The following FOXN3 variants were observed in gnomAD, a reference collection of about 807,000 sequenced individuals.
FOXN3 encodes the protein forkhead box protein N3.
In FOXN3, 7 loss-of-function variants were observed where a neutral mutation model predicts 38.4. The ratio of observed to expected loss-of-function variants is 0.18; its 90% CI spans 0.10 to 0.34. FOXN3 has a LOEUF of 0.34. Ranked by LOEUF, FOXN3 falls within the 10% of genes least tolerant of loss-of-function variation. The pLI is 1.00. For synonymous variants in FOXN3, 230 were observed against 242.2 expected, an observed-to-expected ratio of 0.95 and a Z score of 0.47; for missense variants, 456 against 613.4, an observed-to-expected ratio of 0.74 and a Z score of 2.71.
At chr14:89,488,711 T>C (rs892401488) in intron 1 of FOXN3, among the ~76,000 whole-genome samples, 1 of 151,644 alleles carries the variant, frequency 6.6e-6, no homozygotes, top group African/African-American at 2.4e-5. Context: ...ACTGCTTCAA[T>C]GATTAATAGC....
chr14:89,192,900 C>G (rs11844999), intron 4 of FOXN3, among the ~76,000 whole-genome samples: 2 of 151,336 alleles, frequency 1.3e-5, no homozygotes, highest in African/African-American at 2.4e-5. Flanking sequence ...CCCACTGCCC[C>G]GGGTCCCTTG....
intron 4 of FOXN3, among the ~76,000 whole-genome samples, chr14:89,256,196 G>A (rs778423913): frequency 3.9e-5 from 6 of 152,098 alleles, no homozygotes; most frequent in Non-Finnish European, 7.4e-5. Flanking sequence ...GGGGAAAATC[G>A]AGTTTTTCAA....
intron 4 of FOXN3, among the ~76,000 whole-genome samples, chr14:89,234,485 C>G (rs1462963185): frequency 6.6e-6 from 1 of 152,080 alleles, no homozygotes; most frequent in Admixed American, 6.6e-5. Context: ...GAGGCGGGGC[C>G]TGGTGGGAGG....
chr14:89,474,245 T>C (rs1403255523), intron 1 of FOXN3, among the ~76,000 whole-genome samples: 2 of 152,100 alleles, frequency 1.3e-5, no homozygotes, highest in Non-Finnish European at 1.5e-5. Context: ...AATAACCAGA[T>C]CAGAGTGAGT....
At chr14:89,518,614 A>T (rs1439710401) in intron 1 of FOXN3, among the ~76,000 whole-genome samples, 2 of 152,254 alleles carry the variant, frequency 1.3e-5, no homozygotes, top group Non-Finnish European at 2.9e-5. Flanking sequence ...AAACCATGTA[A>T]GCTCAACATT....
chr14:89,502,019 T>A (rs1209901402), intron 1 of FOXN3, among the ~76,000 whole-genome samples: 1 of 151,350 alleles, frequency 6.6e-6, no homozygotes, highest in Non-Finnish European at 1.5e-5. Flanking sequence ...TTAAAAAAAA[T>A]TAGCCAGACA....
At chr14:89,295,519 G>C (rs555048589) in intron 3 of FOXN3, among the ~76,000 whole-genome samples, 12 of 152,092 alleles carry the variant, frequency 7.9e-5, no homozygotes, top group Non-Finnish European at 1.5e-4. Context: ...AAGTGATTCT[G>C]AAAAACAGCG....
chr14:89,530,017 T>G (rs1348593811), intron 1 of FOXN3, among the ~76,000 whole-genome samples: 2 of 151,900 alleles, frequency 1.3e-5, no homozygotes, highest in Non-Finnish European at 1.5e-5. Context: ...CTTGGCTCAC[T>G]GCAACCTCTG....
intron 3 of FOXN3, among the ~76,000 whole-genome samples, chr14:89,336,454 G>A (rs1566960059): frequency 6.6e-6 from 1 of 152,128 alleles, no homozygotes; most frequent in Non-Finnish European, 1.5e-5. Context: ...CCTTTCCAAA[G>A]CTCATCGAAG....
Position 89,401,452 on chromosome 14 carries a change from A to G in FOXN3, c.543+10482T>C, listed in dbSNP as rs142710127. 1.7e-3 allele frequency: 671 copies of G among 387,472 alleles called. 3 individuals carry two copies. Among genetic ancestry groups the G allele is most frequent in the African/African-American group, 0.013 (600 of 47,868 alleles). The allele number at this position is 387,472 out of a possible 1,614,324, so 24.0% of individuals were successfully genotyped here. A position where few individuals can be genotyped will look rare whatever the true frequency, so the allele number is the denominator to read the frequency against. ...AACAGCAACAACAACAACAGTAGGT[A>G]TTCTGCAAGACCTCAGAACCATAGC... On this transcript the variant is annotated intron_variant, in intron 2 of 5. Coordinates refer to ENST00000557258, the MANE Select transcript of FOXN3 (RefSeq NM_005197.4).
rs531804368 is a variant in FOXN3, at chr14:89,180,248, G to A, written c.851+453C>T. ...ATTTATAGACCACGTACCAAAGCTC[G>A]CCTCACATCTGATTTTGCATTTGAT... is the stretch of plus-strand genomic sequence containing the variant. On this transcript the variant is annotated intron_variant, in intron 5 of 5. Coordinates refer to ENST00000557258, the MANE Select transcript of FOXN3 (RefSeq NM_005197.4). Among the ~76,000 whole-genome samples, 11 of 152,290 alleles carry A rather than the reference G, an allele frequency of 7.2e-5. No homozygotes were observed. In the South Asian group the frequency reaches 1.0e-3, roughly 14 times the overall value.
chr14:89,401,609 C>T (rs145436391), intron 2 of FOXN3: 129 of 455,976 alleles, frequency 2.8e-4, no homozygotes, highest in African/African-American at 2.5e-3. Context: ...CTTGGAGATT[C>T]GGGACTTTTC....
intron 2 of FOXN3, among the ~76,000 whole-genome samples, chr14:89,362,782 A>T (rs574499551): frequency 1.9e-4 from 19 of 97,710 alleles, no homozygotes; most frequent in East Asian, 2.8e-4. Flanking sequence ...CACCACCACC[A>T]CCACCACCAT....
At chr14:89,577,054 A>T (rs889200920) in intron 1 of FOXN3, 2 of 152,236 alleles carry the variant, frequency 1.3e-5, no homozygotes, top group Non-Finnish European at 2.9e-5. Context: ...GGCTGGGAGT[A>T]AAATTTCCCA....
intron 5 of FOXN3, among the ~76,000 whole-genome samples, chr14:89,179,504 C>A (rs564445802): frequency 1.1e-3 from 161 of 152,262 alleles, no homozygotes; most frequent in African/African-American, 3.7e-3. Context: ...GGGATGGTAC[C>A]TTCAAGGGAT....
intron 1 of FOXN3, among the ~76,000 whole-genome samples, chr14:89,543,467 A>G (rs987499607): frequency 8.5e-5 from 13 of 152,192 alleles, no homozygotes; most frequent in African/African-American, 2.9e-4. Flanking sequence ...AACAAAAACA[A>G]AAAAACCCCG....
chr14:89,262,469 A>T (rs1252440721), intron 4 of FOXN3, among the ~76,000 whole-genome samples: 1 of 152,222 alleles, frequency 6.6e-6, no homozygotes, highest in Non-Finnish European at 1.5e-5. Flanking sequence ...CAAGCTTTTT[A>T]TTAGACATTG....
chr14:89,285,451 G>A (rs1263264283), intron 3 of FOXN3, among the ~76,000 whole-genome samples: 3 of 151,950 alleles, frequency 2.0e-5, no homozygotes, highest in African/African-American at 4.8e-5. Context: ...CCCAGGAGGC[G>A]GAGGTTGCAG....
At chr14:89,176,156 G>T (rs985361800) in intron 5 of FOXN3, among the ~76,000 whole-genome samples, 3 of 152,172 alleles carry the variant, frequency 2.0e-5, no homozygotes, top group African/African-American at 7.2e-5. Flanking sequence ...AATCTTGGAG[G>T]TTATTGAGTA....
Sources: allele counts gnomAD v4.1 joint callset (sites outside exome capture counted in the v4.1 genomes callset), GRCh38; gene constraint gnomAD v4.1.1; transcripts MANE v1.5; gene names NCBI Gene and HGNC (gene_info 2026-07-23, HGNC 2026-07-21).